Variants in XPR1 observed in about 807,000 individuals in gnomAD.
The protein encoded by XPR1 is xenotropic and polytropic retrovirus receptor 1.
A neutral mutation model predicts 87.5 loss-of-function variants in XPR1; 28 were observed. The ratio of observed to expected loss-of-function variants is 0.32; its 90% CI spans 0.24 to 0.44. XPR1 has a LOEUF of 0.44. Among genes scored for constraint, XPR1 ranks in the 20% least tolerant of loss-of-function variants. XPR1 has a pLI of 1.00. For missense variants in XPR1, 559 were observed against 862.3 expected, an observed-to-expected ratio of 0.65 and a Z score of 4.41; for synonymous variants, 300 against 306.1, an observed-to-expected ratio of 0.98 and a Z score of 0.21.
intron 4 of XPR1, among the ~76,000 whole-genome samples, chr1:180,805,273 T>C (rs901655708): frequency 6.6e-6 from 1 of 152,188 alleles, no homozygotes; most frequent in East Asian, 1.9e-4. Flanking sequence ...TTTCTTACTG[T>C]TGGGGACATG....
chr1:180,729,862 A>C (rs886567823), intron 2 of XPR1, among the ~76,000 whole-genome samples: 1 of 152,034 alleles, frequency 6.6e-6, no homozygotes, highest in Admixed American at 6.6e-5. Flanking sequence ...TACTCTGTTT[A>C]TATTTTCTTC....
chr1:180,636,951 C>T (rs944961539), intron 1 of XPR1, among the ~76,000 whole-genome samples: 11 of 148,914 alleles, frequency 7.4e-5, no homozygotes, highest in Non-Finnish European at 3.0e-5. Context: ...ACGCGGGAGA[C>T]TGAGGCAGGA....
chr1:180,815,729 A>T (rs1429373959), intron 7 of XPR1, among the ~76,000 whole-genome samples: 1 of 152,138 alleles, frequency 6.6e-6, no homozygotes, highest in African/African-American at 2.4e-5. Flanking sequence ...GTACAATAAC[A>T]GTATACCATA....
intron 8 of XPR1, 88 bp downstream of exon 8, chr1:180,825,031 C>G (rs951973680): frequency 2.0e-6 from 3 of 1,506,638 alleles, no homozygotes; most frequent in African/African-American, 2.8e-5. Flanking sequence ...AATCCATCCT[C>G]TACTTGAAGA....
intron 3 of XPR1, among the ~76,000 whole-genome samples, chr1:180,796,656 T>C (rs1194055809): frequency 6.6e-6 from 1 of 152,196 alleles, no homozygotes; most frequent in Non-Finnish European, 1.5e-5. Context: ...CAAAAACTTG[T>C]ATGAGAGTGT....
intron 2 of XPR1, among the ~76,000 whole-genome samples, chr1:180,764,211 A>T (rs10914093): frequency 0.043 from 6,537 of 152,226 alleles, 501 homozygotes; most frequent in African/African-American, 0.15. Context: ...CAAGCTGTTT[A>T]ATGCGCAAAA....
intron 11 of XPR1, among the ~76,000 whole-genome samples, chr1:180,843,603 T>A (rs909709884): frequency 6.6e-5 from 10 of 152,132 alleles, no homozygotes; most frequent in African/African-American, 2.2e-4. Flanking sequence ...AATGGTTTTA[T>A]AATTATATCC....
At position 180,887,361 on chromosome 1, in the gene XPR1, T is replaced by C. The variant is rs1653047879; in HGVS notation, c.*3295T>C. On this transcript the variant is annotated 3_prime_UTR_variant, in exon 15 of 15. Coordinates refer to ENST00000367590, the MANE Select transcript of XPR1 (RefSeq NM_004736.4). ...GGAAGTCTAAATAAATGAATAAAAC[T>C]CATTTTTCATTTTATGGTAGTATAG... is the stretch of plus-strand genomic sequence containing the variant. 6.6e-6 allele frequency: 1 copy of C among 152,236 alleles called. No homozygotes were observed. 9.4% of individuals were successfully genotyped at this position (152,236 alleles called of 1,614,324 possible). A position where few individuals can be genotyped will look rare whatever the true frequency, so the allele number is the denominator to read the frequency against.
At chr1:180,704,256 ATATATATATATATATATATATT>A (rs1427186789) in intron 2 of XPR1, among the ~76,000 whole-genome samples, 4 of 133,576 alleles carry the variant, frequency 3.0e-5, no homozygotes, top group South Asian at 4.9e-4. Flanking sequence ...ATATATATAT[ATATATATATATATATATATATT>A]ATCAGATTAT....
intron 2 of XPR1, among the ~76,000 whole-genome samples, chr1:180,763,612 A>T (rs1648138669): frequency 1.3e-5 from 2 of 152,222 alleles, no homozygotes; most frequent in African/African-American, 4.8e-5. Context: ...ATGATGTTTA[A>T]CACAGTAGAA....
At chr1:180,848,391 C>A (rs1651758860) in intron 11 of XPR1, among the ~76,000 whole-genome samples, 1 of 152,168 alleles carries the variant, frequency 6.6e-6, no homozygotes, top group Admixed American at 6.5e-5. Flanking sequence ...TTAGCTTCTA[C>A]ATATGAGTGA....
chr1:180,794,243 T>A (rs536146464), intron 3 of XPR1, among the ~76,000 whole-genome samples: 74 of 152,306 alleles, frequency 4.9e-4, no homozygotes, highest in Admixed American at 4.5e-3. Flanking sequence ...CTACAGAGAA[T>A]ACTGTAGGCA....
At chr1:180,653,020 A>C (rs1655344788) in intron 1 of XPR1, among the ~76,000 whole-genome samples, 2 of 152,168 alleles carry the variant, frequency 1.3e-5, no homozygotes, top group South Asian at 4.1e-4. Context: ...CTGGCTTTTC[A>C]AAAGGCCTCA....
rs545347383 is a variant in XPR1, at chr1:180,713,020, G to A, written c.121+30609G>A. ...TTATGTATTTTGGAATACTCTATCC[G>A]TTTCTATAAAAAAAAGCCTGGTAAG... On this transcript the variant is annotated intron_variant, in intron 2 of 14. Coordinates refer to ENST00000367590, the MANE Select transcript of XPR1 (RefSeq NM_004736.4). Among the ~76,000 whole-genome samples the A allele has an allele frequency of 3.3e-4, 47 of 140,532 alleles. No individual in the cohort carries two copies. The South Asian group carries it at 4.0e-3, about 12-fold the overall frequency. 92.2% of individuals were successfully genotyped at this position (140,532 alleles called of 152,430 possible).
chr1:180,801,500 AT>A (rs1005509272), intron 3 of XPR1, among the ~76,000 whole-genome samples: 1 of 152,212 alleles, frequency 6.6e-6, no homozygotes, highest in South Asian at 2.1e-4. Context: ...ATATAAATAG[AT>A]TATAAAAGTT....
At chr1:180,740,502 A>G (rs1403075264) in intron 2 of XPR1, among the ~76,000 whole-genome samples, 1 of 151,756 alleles carries the variant, frequency 6.6e-6, no homozygotes, top group East Asian at 1.9e-4. Flanking sequence ...CATTCCTGAG[A>G]TCTACTCCCA....
chr1:180,738,760 T>G (rs906982934), intron 2 of XPR1, among the ~76,000 whole-genome samples: 35 of 152,304 alleles, frequency 2.3e-4, no homozygotes, highest in Non-Finnish European at 4.0e-4. Context: ...GTTTTGAGAG[T>G]GCTTATATAT....
chr1:180,687,652 A>G (rs991889272), intron 2 of XPR1, among the ~76,000 whole-genome samples: 60 of 152,220 alleles, frequency 3.9e-4, no homozygotes, highest in Non-Finnish European at 5.9e-4. Context: ...TGTTACTCAA[A>G]CAAATAAACA....
At chr1:180,878,468 T>TATA (rs981734782) in intron 13 of XPR1, among the ~76,000 whole-genome samples, 9 of 152,202 alleles carry the variant, frequency 5.9e-5, no homozygotes, top group Admixed American at 3.3e-4. Context: ...GTTAATAATC[T>TATA]ATAATAATAA....
Sources: gnomAD v4.1 joint callset for allele counts (sites outside exome capture counted in the v4.1 genomes callset) on GRCh38, gnomAD v4.1.1 for gene constraint, MANE v1.5 for transcripts, NCBI Gene and HGNC (gene_info 2026-07-23, HGNC 2026-07-21) for gene names.